The following FAM227B variants were observed in gnomAD, a reference collection of about 807,000 sequenced individuals.
FAM227B encodes protein FAM227B.
A neutral mutation model predicts 73.8 loss-of-function variants in FAM227B; 88 were observed. The ratio of observed to expected loss-of-function variants is 1.19; its 90% CI spans 1.00 to 1.42. The LOEUF is 1.42. FAM227B is among the 40% of genes most tolerant of loss of function. The probability of loss-of-function intolerance (pLI) is 0.00; values close to 1 mark genes in which losing one functional copy is unlikely to be tolerated. For synonymous variants in FAM227B, 210 were observed against 190.5 expected (o/e 1.10, Z -0.84); for missense variants, 632 against 590.9 (o/e 1.07, Z -0.72).
At chr15:49,484,475 G>A (rs369116662) in intron 11 of FAM227B, 2 of 1,568,982 alleles carry the variant, frequency 1.3e-6, no homozygotes, top group Non-Finnish European at 1.7e-6. Context: ...ACAAAAAACA[G>A]CCCACTTTCT....
Position 49,327,395 on chromosome 15 carries a change from G to GTTGA in FAM227B, c.*1169_*1172dup, listed in dbSNP as rs2037697436. On this transcript the variant is annotated 3_prime_UTR_variant, in exon 16 of 16. Transcript: ENST00000299338. ...CCTGGAGTTTAATAACACGCTTTTTGTTGATAAGTTTATTCAGTGAACTAG... is the reference window on the plus strand; with the variant it reads ...CCTGGAGTTTAATAACACGCTTTTTGTTGATTGATAAGTTTATTCAGTGAACTAG... 8 of 152,172 alleles carry GTTGA rather than the reference G, an allele frequency of 5.3e-5. No homozygotes were observed. The highest frequency in any genetic ancestry group is 5.2e-4 in the Admixed American group (8 of 15,280). The allele number at this position is 152,172 out of a possible 1,614,324, so 9.4% of individuals were successfully genotyped here.
At chr15:49,385,254 T>C (rs1318971761) in intron 11 of FAM227B, among the ~76,000 whole-genome samples, 1 of 151,940 alleles carries the variant, frequency 6.6e-6, no homozygotes, top group Non-Finnish European at 1.5e-5. Context: ...CAGAGTAGTA[T>C]ATTAGTTAAG....
intron 11 of FAM227B, among the ~76,000 whole-genome samples, chr15:49,382,875 C>T (rs1217318475): frequency 2.0e-5 from 3 of 152,050 alleles, no homozygotes; most frequent in Non-Finnish European, 4.4e-5. Context: ...ATGAAATTCA[C>T]AACCTTTTAA....
chr15:49,419,503 A>T (rs979196315), intron 11 of FAM227B, among the ~76,000 whole-genome samples: 1 of 152,246 alleles, frequency 6.6e-6, no homozygotes, highest in Admixed American at 6.5e-5. Flanking sequence ...AAATGAACAC[A>T]GTTTAATATT....
chr15:49,362,976 G>A (rs572544489), intron 13 of FAM227B, among the ~76,000 whole-genome samples: 212 of 152,114 alleles, frequency 1.4e-3, no homozygotes, highest in African/African-American at 4.9e-3. Flanking sequence ...TGTTCCATAC[G>A]TCTTTGTGTC....
chr15:49,615,653 A>C (rs528617412), intron 1 of FAM227B, among the ~76,000 whole-genome samples: 20 of 152,240 alleles, frequency 1.3e-4, no homozygotes, highest in Non-Finnish European at 2.2e-4. Context: ...CAGCCTGTGG[A>C]ACTGTGAGTC....
intron 1 of FAM227B, among the ~76,000 whole-genome samples, chr15:49,617,444 T>C (rs2078360863): frequency 6.6e-6 from 1 of 152,254 alleles, no homozygotes; most frequent in African/African-American, 2.4e-5. Context: ...AACAACAGTC[T>C]AGTGAAAAAT....
At chr15:49,396,813 A>C (rs534776794) in intron 11 of FAM227B, among the ~76,000 whole-genome samples, 22 of 151,690 alleles carry the variant, frequency 1.5e-4, no homozygotes, top group South Asian at 1.3e-3. Flanking sequence ...AAACTAACAA[A>C]CAGAAAGGAC....
rs1186748022 is a variant in FAM227B at position 49,589,923 on chromosome 15, C to T, written c.190G>A (p.Val64Ile). 1 of 1,598,044 alleles carries T rather than the reference C, an allele frequency of 6.3e-7. No homozygotes were observed. Among genetic ancestry groups the T allele is most frequent in the Non-Finnish European group, 8.6e-7 (1 of 1,165,706 alleles). Residue 64 changes from valine to isoleucine, a missense_variant, in exon 4 of 16, where the codon GTT (valine) becomes ATT (isoleucine). Val to Ile is a conservative substitution (Grantham distance 29, BLOSUM62 3). Transcript: ENST00000299338. ...TCCCATAGGTGTGTATAAATTGAAACAAATGAACTATCTTCTTTTATTTTT... is the reference window on the plus strand; with the variant it reads ...TCCCATAGGTGTGTATAAATTGAAATAAATGAACTATCTTCTTTTATTTTT... Reference protein sequence around the residue: ...LKKIKEDSSFVSIYTHLWENV... With the variant: ...LKKIKEDSSFISIYTHLWENV...
chr15:49,605,593 C>T (rs1289594801), intron 3 of FAM227B, among the ~76,000 whole-genome samples: 1 of 151,628 alleles, frequency 6.6e-6, no homozygotes, highest in Non-Finnish European at 1.5e-5. Flanking sequence ...TGGCTTTAAG[C>T]CTAGGTCTCA....
intron 11 of FAM227B, among the ~76,000 whole-genome samples, chr15:49,406,656 G>A (rs1032307622): frequency 1.3e-5 from 2 of 152,002 alleles, no homozygotes; most frequent in African/African-American, 4.8e-5. Flanking sequence ...GAGTGCCGTG[G>A]GGGAGCGGAG....
chr15:49,570,441 T>C (rs1052858025), intron 8 of FAM227B, among the ~76,000 whole-genome samples: 9 of 151,924 alleles, frequency 5.9e-5, no homozygotes, highest in Admixed American at 5.9e-4. Context: ...CACATAGCTA[T>C]TTGTATGTCT....
chr15:49,556,072 T>A (rs2030013072), intron 9 of FAM227B, among the ~76,000 whole-genome samples: 1 of 152,192 alleles, frequency 6.6e-6, no homozygotes. Flanking sequence ...GTCTGACAAG[T>A]GACCCGGGAA....
chr15:49,459,297 T>G (rs549015112), intron 11 of FAM227B, among the ~76,000 whole-genome samples: 1 of 152,270 alleles, frequency 6.6e-6, no homozygotes, highest in South Asian at 2.1e-4. Context: ...CTGCATTAGG[T>G]GCTTTCTAGG....
At chr15:49,582,698 A>T (rs1262424507) in intron 5 of FAM227B, among the ~76,000 whole-genome samples, 1 of 152,222 alleles carries the variant, frequency 6.6e-6, no homozygotes, top group African/African-American at 2.4e-5. Flanking sequence ...CCCACATGGG[A>T]CATACTCTAA....
At chr15:49,573,435 G>C (rs949305246) in intron 8 of FAM227B, among the ~76,000 whole-genome samples, 1 of 152,206 alleles carries the variant, frequency 6.6e-6, no homozygotes, top group Non-Finnish European at 1.5e-5. Context: ...GTCCCCCAAA[G>C]TTCATGTATT....
At chr15:49,335,113 A>G (rs1037500523) in intron 14 of FAM227B, among the ~76,000 whole-genome samples, 6 of 152,116 alleles carry the variant, frequency 3.9e-5, no homozygotes, top group Non-Finnish European at 5.9e-5. Flanking sequence ...TCCAGGGCTT[A>G]TCTTTGTAAA....
chr15:49,420,928 G>A (rs1324771558), intron 11 of FAM227B, among the ~76,000 whole-genome samples: 1 of 151,986 alleles, frequency 6.6e-6, no homozygotes, highest in Non-Finnish European at 1.5e-5. Flanking sequence ...GGATGGTCTC[G>A]ATCTCCTGAC....
Position 49,468,807 on chromosome 15 carries a change from C to T in FAM227B, c.1012+39404G>A, listed in dbSNP as rs146255392. ...TCCAGTTAATGGTCCTATCCCAATA[C>T]TAGCACTGACAAAAGAGGTTTGTCT... On this transcript the variant is annotated intron_variant, in intron 11 of 15. Transcript: ENST00000299338. 1.1e-3 allele frequency among the ~76,000 whole-genome samples: 165 copies of T among 152,314 alleles called. 2 individuals carry two copies. Among genetic ancestry groups the T allele is most frequent in the African/African-American group, 3.9e-3 (162 of 41,586 alleles).
Sources: allele counts gnomAD v4.1 joint callset (sites outside exome capture counted in the v4.1 genomes callset), GRCh38; gene constraint gnomAD v4.1.1; transcripts MANE v1.5; gene names NCBI Gene and HGNC (gene_info 2026-07-23, HGNC 2026-07-21).